RSPH14: variants seen among roughly 807,000 people sequenced by gnomAD.
The protein encoded by RSPH14 is rhabdoid tumor deletion region gene 1.
RSPH14 carries 20 observed loss-of-function variants against 26.7 expected under a neutral mutation model. The ratio of observed to expected loss-of-function variants is 0.75; its 90% CI spans 0.53 to 1.09. The LOEUF is 1.09. Ranked by LOEUF, RSPH14 falls within the 50% of genes least tolerant of loss-of-function variation. The pLI is 0.00. For missense variants in RSPH14, 449 were observed against 457.2 expected, an observed-to-expected ratio of 0.98 and a Z score of 0.16; for synonymous variants, 177 against 189.3, an observed-to-expected ratio of 0.93 and a Z score of 0.53.
At chr22:23,149,214 G>A (rs1182315474), upstream of RSPH14, among the ~76,000 whole-genome samples, 3 of 141,606 alleles carry the variant, frequency 2.1e-5, no homozygotes, top group Non-Finnish European at 3.1e-5. Context: ...GGCGGGGGGC[G>A]GGACCCTTGC....
chr22:23,120,091 G>A (rs1231114418), intron 4 of RSPH14, among the ~76,000 whole-genome samples: 2 of 152,224 alleles, frequency 1.3e-5, no homozygotes, highest in Non-Finnish European at 2.9e-5. Context: ...CCTGATAAGA[G>A]TGTACTGTGA....
chr22:23,107,439 C>T (rs1172195596), intron 4 of RSPH14, among the ~76,000 whole-genome samples: 2 of 152,152 alleles, frequency 1.3e-5, no homozygotes, highest in East Asian at 1.9e-4. Context: ...AGGGAAAAGT[C>T]GAGGGCCTCA....
At chr22:23,084,438 G>A (rs2068761882) in intron 4 of RSPH14, among the ~76,000 whole-genome samples, 1 of 152,086 alleles carries the variant, frequency 6.6e-6, no homozygotes, top group Non-Finnish European at 1.5e-5. Context: ...GCAGGTTGGG[G>A]GAAGTCAACA....
chr22:23,080,124 C>T (rs1271293357), intron 4 of RSPH14, among the ~76,000 whole-genome samples: 2 of 152,266 alleles, frequency 1.3e-5, no homozygotes, highest in African/African-American at 2.4e-5. Flanking sequence ...CACTTCTTCT[C>T]TGCTGTCATG....
At chr22:23,072,885 C>T (rs2068414552) in intron 4 of RSPH14, among the ~76,000 whole-genome samples, 1 of 152,206 alleles carries the variant, frequency 6.6e-6, no homozygotes, top group Admixed American at 6.5e-5. Context: ...TGGGTGGGGT[C>T]TCAGTCTGGC....
At chr22:23,069,152 C>T (rs1351201947) in intron 4 of RSPH14, among the ~76,000 whole-genome samples, 2 of 152,184 alleles carry the variant, frequency 1.3e-5, no homozygotes, top group Non-Finnish European at 2.9e-5. Flanking sequence ...GTCCAGCTGG[C>T]AAAGCCAGGC....
At chr22:23,151,415 A>G in the RSPH14 span, among the ~76,000 whole-genome samples, 1 of 152,164 alleles carries the variant, frequency 6.6e-6, no homozygotes, top group African/African-American at 2.4e-5. Context: ...GGGTAGACAC[A>G]ATCCCTGCTC....
intron 4 of RSPH14, chr22:23,124,358 G>A (rs1192631227): frequency 4.5e-6 from 2 of 444,002 alleles, no homozygotes; most frequent in African/African-American, 4.1e-5. Flanking sequence ...CTGGCTTGCT[G>A]AGTGTAAAAG....
intron 4 of RSPH14, among the ~76,000 whole-genome samples, chr22:23,081,922 G>A (rs58478384): frequency 2.7e-5 from 4 of 150,358 alleles, no homozygotes; most frequent in East Asian, 2.0e-4. Context: ...TCAGGAGATC[G>A]AGACCATCCT....
At chr22:23,156,554 G>A in the RSPH14 span, among the ~76,000 whole-genome samples, 6 of 152,242 alleles carry the variant, frequency 3.9e-5, no homozygotes, top group South Asian at 1.0e-3. Flanking sequence ...CATAAGCTCC[G>A]GATGCCTACC....
chr22:23,080,685 AAC>A (rs2068651862), intron 4 of RSPH14, among the ~76,000 whole-genome samples: 2 of 152,250 alleles, frequency 1.3e-5, no homozygotes, highest in African/African-American at 4.8e-5. Context: ...AGAGCCCACA[AAC>A]ACGGAGTCAC....
chr22:23,061,758 G>A, intron 6 of RSPH14, 51 bp downstream of exon 6: 1 of 1,608,590 alleles, frequency 6.2e-7, no homozygotes, highest in Non-Finnish European at 8.5e-7. Flanking sequence ...GCTCATCACG[G>A]CTGCTAGCCT....
intron 4 of RSPH14, among the ~76,000 whole-genome samples, chr22:23,073,247 T>C (rs1184191751): frequency 6.6e-6 from 1 of 152,206 alleles, no homozygotes; most frequent in East Asian, 1.9e-4. Context: ...AAACCTGGGG[T>C]AGCCAAGCCT....
At chr22:23,067,526 C>T (rs747137896) in intron 4 of RSPH14, among the ~76,000 whole-genome samples, 1 of 152,194 alleles carries the variant, frequency 6.6e-6, no homozygotes. Context: ...GGCCCTGTGC[C>T]CTGAACTCCT....
chr22:23,081,786 C>T lies in RSPH14; in HGVS notation c.422-17653G>A, dbSNP rs559136887. Among the ~76,000 whole-genome samples, 309 of 128,810 alleles carry T rather than the reference C, an allele frequency of 2.4e-3. 1 individual carries two copies. The highest frequency in any genetic ancestry group is 8.9e-3 in the African/African-American group (295 of 33,044). The allele number at this position is 128,810 out of a possible 152,430, so 84.5% of individuals were successfully genotyped here. ...GCAGTGAGCCGAGATCGTGCCACTG[C>T]ATTCCAGCCTGGGCAACAGAGTGAG... is the stretch of plus-strand genomic sequence containing the variant. On this transcript the variant is annotated intron_variant, in intron 4 of 6. Transcript: ENST00000216036.
chr22:23,152,599 A>C, the RSPH14 span: 1 of 1,405,870 alleles, frequency 7.1e-7, no homozygotes, highest in South Asian at 1.2e-5. Context: ...TGGGTGGCCC[A>C]GATAATATCA....
At chr22:23,159,493 G>A in the RSPH14 span, among the ~76,000 whole-genome samples, 23 of 152,230 alleles carry the variant, frequency 1.5e-4, no homozygotes, top group African/African-American at 5.5e-4. Context: ...GGGGAATAGT[G>A]ACCCCAACCC....
At chr22:23,136,133 C>T (rs1299410774) in intron 3 of RSPH14, 2 of 631,806 alleles carry the variant, frequency 3.2e-6, no homozygotes, top group Non-Finnish European at 5.8e-6. Context: ...TCACCCACTC[C>T]ATGTCTCTCA....
the RSPH14 span, among the ~76,000 whole-genome samples, chr22:23,160,691 C>T: frequency 6.6e-6 from 1 of 152,106 alleles, no homozygotes; most frequent in Non-Finnish European, 1.5e-5. Flanking sequence ...GTGGACCCTG[C>T]CCCTGGCACT....
Sources: allele counts gnomAD v4.1 joint callset (sites outside exome capture counted in the v4.1 genomes callset), GRCh38; gene constraint gnomAD v4.1.1; transcripts MANE v1.5; gene names NCBI Gene and HGNC (gene_info 2026-07-23, HGNC 2026-07-21).